SULF2: variants seen among roughly 807,000 people sequenced by gnomAD.
SULF2 encodes sulfatase 2.
Under a neutral mutation model 107.7 loss-of-function variants are expected in SULF2, and 52 were observed. The observed-to-expected ratio is 0.48, with a 90% CI of 0.39 to 0.61. The LOEUF (loss-of-function observed/expected upper bound fraction) is 0.61. Ranked by LOEUF, SULF2 falls within the 20% of genes least tolerant of loss-of-function variation. The probability of loss-of-function intolerance (pLI) is 0.00; values close to 1 mark genes in which losing one functional copy is unlikely to be tolerated. For synonymous variants in SULF2, 460 were observed against 464.3 expected (o/e 0.99, Z 0.12); for missense variants, 993 against 1,177.3 (o/e 0.84, Z 2.29).
rs186918144 is a variant in SULF2 at position 47,737,068 on chromosome 20, C to T, written c.176-126G>A. The T allele has an allele frequency of 8.7e-5, 122 of 1,394,536 alleles. No homozygotes were observed. The Admixed American group carries it at 1.4e-3, about 16-fold the overall frequency. The allele number at this position is 1,394,536 out of a possible 1,614,324, so 86.4% of individuals were successfully genotyped here. On this transcript the variant is annotated intron_variant, in intron 2 of 20. Coordinates refer to ENST00000688720, the MANE Select transcript of SULF2 (RefSeq NM_001387048.1). Reference sequence around the variant, plus strand: ...ACATTCTGCAGACCTACGGGGCAGACGGGGCAGGGGCCACTGCTGCACGGT... The same window carrying T: ...ACATTCTGCAGACCTACGGGGCAGATGGGGCAGGGGCCACTGCTGCACGGT...
At chr20:47,659,285 T>A in intron 20 of SULF2, 114 bp downstream of exon 20, 1 of 900,616 alleles carries the variant, frequency 1.1e-6, no homozygotes, top group South Asian at 1.4e-5. Context: ...CCCACCCTCA[T>A]CATGAGAACA....
intron 4 of SULF2, among the ~76,000 whole-genome samples, chr20:47,690,879 A>AC (rs1555834524): frequency 6.6e-6 from 1 of 151,896 alleles, no homozygotes; most frequent in Non-Finnish European, 1.5e-5. Flanking sequence ...AAAAAAAAAA[A>AC]AAAAGATATT....
At chr20:47,670,670 G>T in intron 11 of SULF2, among the ~76,000 whole-genome samples, 1 of 75,322 alleles carries the variant, frequency 1.3e-5, no homozygotes, top group South Asian at 5.3e-4. Flanking sequence ...AGAATGGGGT[G>T]ACAGCAGGGT....
chr20:47,665,613 C>T (rs1241603110), intron 13 of SULF2, among the ~76,000 whole-genome samples: 4 of 152,228 alleles, frequency 2.6e-5, no homozygotes, highest in African/African-American at 9.6e-5. Flanking sequence ...GTAGCGTAGA[C>T]TTCTTGTAAG....
intron 2 of SULF2, among the ~76,000 whole-genome samples, chr20:47,740,868 C>A (rs1465481927): frequency 6.6e-6 from 1 of 152,072 alleles, no homozygotes; most frequent in Non-Finnish European, 1.5e-5. Context: ...ACACCCACAG[C>A]CAAGCCCTGA....
intron 1 of SULF2, among the ~76,000 whole-genome samples, chr20:47,778,861 G>C (rs768666708): frequency 2.0e-5 from 3 of 152,130 alleles, no homozygotes; most frequent in Admixed American, 1.3e-4. Flanking sequence ...AACCACACTA[G>C]AAAACAAAAC....
chr20:47,764,768 G>C (rs2090493517), intron 1 of SULF2, among the ~76,000 whole-genome samples: 1 of 152,142 alleles, frequency 6.6e-6, no homozygotes, highest in Non-Finnish European at 1.5e-5. Flanking sequence ...GTCCGAATTA[G>C]GGCTGTCATT....
chr20:47,780,485 C>A (rs745756458), intron 1 of SULF2, among the ~76,000 whole-genome samples: 17 of 152,244 alleles, frequency 1.1e-4, no homozygotes, highest in Non-Finnish European at 2.2e-4. Context: ...AAGGTCACAT[C>A]CTCACAGAGG....
intron 3 of SULF2, chr20:47,706,782 A>G (rs1035369923): frequency 6.6e-6 from 1 of 152,202 alleles, no homozygotes; most frequent in Non-Finnish European, 1.5e-5. Context: ...TTTAGTCAGG[A>G]AGCCCAAATG....
chr20:47,743,601 T>C (rs915957640), intron 2 of SULF2, among the ~76,000 whole-genome samples: 1 of 152,212 alleles, frequency 6.6e-6, no homozygotes, highest in African/African-American at 2.4e-5. Context: ...TGAGCCACCA[T>C]GCCTGCCTGG....
At chr20:47,713,962 C>T (rs2089019800) in intron 3 of SULF2, among the ~76,000 whole-genome samples, 1 of 151,980 alleles carries the variant, frequency 6.6e-6, no homozygotes, top group African/African-American at 2.4e-5. Flanking sequence ...GAGGAGTGTT[C>T]ATGCCGCACA....
At chr20:47,750,649 G>A (rs369309394) in intron 2 of SULF2, among the ~76,000 whole-genome samples, 5 of 152,300 alleles carry the variant, frequency 3.3e-5, no homozygotes, top group East Asian at 3.9e-4. Flanking sequence ...TCTGCTCAAT[G>A]TCCTCTATTG....
intron 3 of SULF2, among the ~76,000 whole-genome samples, chr20:47,713,968 G>A (rs1391475542): frequency 2.0e-5 from 3 of 151,940 alleles, no homozygotes; most frequent in South Asian, 2.1e-4. Flanking sequence ...TGTTCATGCC[G>A]CACAGTGAAG....
chr20:47,665,709 A>C, intron 13 of SULF2, 148 bp downstream of exon 13: 1 of 659,702 alleles, frequency 1.5e-6, no homozygotes, highest in Non-Finnish European at 2.7e-6. Flanking sequence ...ACTGACACCT[A>C]TCCCCGCGTT....
At chr20:47,700,637 C>CTTTTTTT (rs59966689) in intron 4 of SULF2, among the ~76,000 whole-genome samples, 27 of 126,208 alleles carry the variant, frequency 2.1e-4, no homozygotes, top group Non-Finnish European at 1.8e-4. Flanking sequence ...GGTGCAACAT[C>CTTTTTTT]TTTTTTTTTT....
In SULF2 at chr20:47,666,306, C is replaced by T; in HGVS notation, c.1759G>A (p.Gly587Ser). The change falls in exon 12 of 21, where the codon GGC (glycine) becomes AGC (serine). Residue 587 changes from glycine (G) to serine (S), a missense_variant. Physicochemically the swap from Gly to Ser is moderately conservative, Grantham distance 56. This residue lies in a region of SULF2 where 497 missense variants were observed against 544.1 expected (regional missense o/e 0.91). Coordinates refer to ENST00000688720, the MANE Select transcript of SULF2 (RefSeq NM_001387048.1). The surrounding 1 kb of genome is among the most constrained non-coding windows in gnomAD (Gnocchi z 5.4). ...KDGGDFSGTG[G>S]LPDYSAANPI... ...TTGGCGGCTGAGTAGTCGGGAAGGC[C>T]TCCAGTGCCACTGAAGTCCCCACCA... The T allele has an allele frequency of 6.2e-7, 1 of 1,614,250 alleles. No individual in the cohort carries two copies. The highest frequency in any genetic ancestry group is 1.1e-5 in the South Asian group (1 of 91,080).
rs2088611805 is a variant in SULF2 at position 47,702,689 on chromosome 20, CAGG to C, written c.416-22_416-20del. 6.2e-7 allele frequency: 1 copy of C among 1,612,238 alleles called. No individual in the cohort carries two copies. The highest frequency in any genetic ancestry group is 1.7e-5 in the Admixed American group (1 of 59,868). On this transcript the variant is annotated intron_variant, in intron 3 of 20. Coordinates refer to ENST00000688720, the MANE Select transcript of SULF2 (RefSeq NM_001387048.1). ...AAGAAAGCTGCGGAGGGAGATGGAT[CAGG>C]AGGCCACGTGAGAAAGTGCCTGACG...
chr20:47,779,057 C>G (rs1358939450), intron 1 of SULF2, among the ~76,000 whole-genome samples: 1 of 152,202 alleles, frequency 6.6e-6, no homozygotes, highest in Non-Finnish European at 1.5e-5. Flanking sequence ...AATTCCAGAT[C>G]ACTCCTCCTC....
rs1166825470 is a variant in SULF2 at position 47,662,940 on chromosome 20, T to TA, written c.2370+129dup. On this transcript the variant is annotated intron_variant, in intron 17 of 20. Coordinates refer to ENST00000688720, the MANE Select transcript of SULF2 (RefSeq NM_001387048.1). ...CCCCAATCTCAGCAGCTTCACAACT[T>TA]ACTCCCACCGGCTCAGGGACTCAGT... 4 of 1,024,796 alleles carry TA rather than the reference T, an allele frequency of 3.9e-6. No homozygotes were observed. In the African/African-American group the frequency reaches 4.8e-5, roughly 12 times the overall value. 63.5% of individuals were successfully genotyped at this position (1,024,796 alleles called of 1,614,324 possible). A position where few individuals can be genotyped will look rare whatever the true frequency, so the allele number is the denominator to read the frequency against.
Sources: gnomAD v4.1 joint callset for allele counts (sites outside exome capture counted in the v4.1 genomes callset) on GRCh38, gnomAD v4.1.1 for gene constraint, gnomAD v4.1.1 regional missense constraint, Gnocchi (gnomAD v3.1) non-coding constraint, MANE v1.5 for transcripts, NCBI Gene and HGNC (gene_info 2026-07-23, HGNC 2026-07-21) for gene names.